The following ATP6V0A2 variants were observed in gnomAD, a reference collection of about 807,000 sequenced individuals.
ATP6V0A2 encodes the protein V-type proton ATPase 116 kDa subunit a 2.
Under a neutral mutation model 104.4 loss-of-function variants are expected in ATP6V0A2, and 58 were observed. The ratio of observed to expected loss-of-function variants is 0.56; its 90% CI spans 0.45 to 0.69. ATP6V0A2 has a LOEUF of 0.69. Ranked by LOEUF, ATP6V0A2 falls within the 30% of genes least tolerant of loss-of-function variation. The pLI, the probability that ATP6V0A2 is intolerant of heterozygous loss-of-function variation, is 0.00. For missense variants in ATP6V0A2, 938 were observed against 1,062.9 expected (o/e 0.88, Z 1.63); for synonymous variants, 376 against 397.9 (o/e 0.95, Z 0.65).
At chr12:123,745,784 C>T (rs1410366045) in intron 13 of ATP6V0A2, among the ~76,000 whole-genome samples, 1 of 151,486 alleles carries the variant, frequency 6.6e-6, no homozygotes, top group Non-Finnish European at 1.5e-5. Context: ...GCTCAGCAGG[C>T]GGTGGCTGAG....
chr12:123,713,007 A>G (rs905473327), intron 1 of ATP6V0A2, among the ~76,000 whole-genome samples: 5 of 152,174 alleles, frequency 3.3e-5, no homozygotes, highest in Admixed American at 2.6e-4. Flanking sequence ...TTGGAACTTT[A>G]CGGGGGTTAG....
At chr12:123,748,051 A>G (rs1956679028) in intron 14 of ATP6V0A2, among the ~76,000 whole-genome samples, 1 of 152,196 alleles carries the variant, frequency 6.6e-6, no homozygotes, top group Non-Finnish European at 1.5e-5. Flanking sequence ...GTCGATTTCC[A>G]GAAGGGGTGC....
At chr12:123,756,517 G>A in intron 18 of ATP6V0A2, 1 of 352,848 alleles carries the variant, frequency 2.8e-6, no homozygotes, top group Non-Finnish European at 5.2e-6. Context: ...CCTGTTTCTG[G>A]CTGCCTGGTC....
At chr12:123,713,720 C>T (rs1233724419) in intron 1 of ATP6V0A2, among the ~76,000 whole-genome samples, 1 of 151,940 alleles carries the variant, frequency 6.6e-6, no homozygotes, top group African/African-American at 2.4e-5. Context: ...GAAGGGAGAC[C>T]GTGAAGCAAG....
chr12:123,715,080 CA>C (rs1292324391), intron 1 of ATP6V0A2, among the ~76,000 whole-genome samples: 1 of 151,946 alleles, frequency 6.6e-6, no homozygotes, highest in Admixed American at 6.5e-5. Flanking sequence ...GACTCCGTCT[CA>C]AAAAAAAGTT....
In ATP6V0A2 at chr12:123,735,590, A is replaced by G. The variant is rs201247720; in HGVS notation, c.791A>G (p.Glu264Gly). The change falls in exon 8 of 20, where the codon GAG becomes GGG. Residue 264 changes from glutamate to glycine, a missense_variant. Glu to Gly is a moderately conservative substitution (Grantham distance 98, BLOSUM62 -2). Transcript: ENST00000330342. ...GCCGAGGAGCGGAGGGAGATCCAGG[A>G]GGGGCTGAACACCCGCATCCAGGAT... ...NTAEERREIQ[E>G]GLNTRIQDLY... 6.9e-5 allele frequency: 112 copies of G among 1,613,516 alleles called. No homozygotes were observed. In the East Asian group the frequency reaches 2.5e-3, roughly 36 times the overall value.
intron 6 of ATP6V0A2, among the ~76,000 whole-genome samples, chr12:123,730,044 CTTTTTTTTTTTT>C (rs776847603): frequency 8.7e-4 from 61 of 70,308 alleles, no homozygotes; most frequent in African/African-American, 3.4e-3. Context: ...GGAGTTAGGT[CTTTTTTTTTTTT>C]TTTTTTTTTT....
rs1367151367 is a variant in ATP6V0A2 at position 123,758,718 on chromosome 12, C to T, written c.*686C>T. ...TTGTATTTTTGTAGAGATGGGGTTT[C>T]ACCATGTTGGCCAGGCTGGTCTCGA... On this transcript the variant is annotated 3_prime_UTR_variant, in exon 20 of 20. Coordinates refer to ENST00000330342, the MANE Select transcript of ATP6V0A2 (RefSeq NM_012463.4). 1.3e-5 allele frequency: 2 copies of T among 152,058 alleles called. No homozygotes were observed. The highest frequency in any genetic ancestry group is 2.9e-5 in the Non-Finnish European group (2 of 68,074). The allele number at this position is 152,058 out of a possible 1,614,324, so 9.4% of individuals were successfully genotyped here.
chr12:123,754,330 A>G, intron 17 of ATP6V0A2, 90 bp from the exon 18 acceptor site: 1 of 1,017,662 alleles, frequency 9.8e-7, no homozygotes, highest in Non-Finnish European at 1.6e-6. Context: ...CAGCTCTTTC[A>G]TTGTAATCCT....
chr12:123,733,943 G>A lies in ATP6V0A2; in HGVS notation c.666G>A (p.Trp222Ter). ...EDPETGEVIK[W>*]YVFLISFWGE... ...CTTTGTAGGGGGAAGTCATAAAATG[G>A]TATGTCTTTTTAATATCCTTTTGGG... The change falls in exon 7 of 20, where the codon TGG becomes TGA. Residue 222 changes from tryptophan to a stop codon, truncating the protein, a stop_gained. Transcript: ENST00000330342. LOFTEE classifies it high-confidence loss of function. 1 of 1,612,804 alleles carries A rather than the reference G, an allele frequency of 6.2e-7. No homozygotes were observed. The highest frequency in any genetic ancestry group is 8.5e-7 in the Non-Finnish European group (1 of 1,178,826).
At chr12:123,739,809 A>C (rs573960738) in intron 9 of ATP6V0A2, among the ~76,000 whole-genome samples, 1 of 152,166 alleles carries the variant, frequency 6.6e-6, no homozygotes, top group Non-Finnish European at 1.5e-5. Flanking sequence ...TATCTTACAC[A>C]TGTTCCTCCA....
chr12:123,715,546 G>A (rs1956331464), intron 1 of ATP6V0A2, among the ~76,000 whole-genome samples: 1 of 152,190 alleles, frequency 6.6e-6, no homozygotes, highest in Non-Finnish European at 1.5e-5. Context: ...TGTTTCTTGA[G>A]AGTGCCCAGT....
At chr12:123,713,998 C>G (rs1286739262) in intron 1 of ATP6V0A2, among the ~76,000 whole-genome samples, 1 of 152,198 alleles carries the variant, frequency 6.6e-6, no homozygotes, top group Non-Finnish European at 1.5e-5. Flanking sequence ...GGAGCCACTT[C>G]TGCAGTTGTA....
intron 2 of ATP6V0A2, among the ~76,000 whole-genome samples, chr12:123,720,130 G>T (rs1283541842): frequency 1.3e-5 from 2 of 152,152 alleles, no homozygotes; most frequent in Admixed American, 1.3e-4. Flanking sequence ...TGGGATTACA[G>T]ATGTGAGCCA....
At chr12:123,717,644 A>G (rs930142484) in intron 1 of ATP6V0A2, among the ~76,000 whole-genome samples, 58 of 151,564 alleles carry the variant, frequency 3.8e-4, no homozygotes, top group Non-Finnish European at 1.3e-4. Context: ...GTGTCTTACC[A>G]TGTTGCCCAG....
chr12:123,723,086 TA>T (rs776692551), intron 3 of ATP6V0A2: 1 of 152,576 alleles, frequency 6.6e-6, no homozygotes, highest in Non-Finnish European at 1.5e-5. Context: ...ATAACTCTTC[TA>T]AAACAATTAT....
In ATP6V0A2 at chr12:123,748,636, T is replaced by G; in HGVS notation, c.1786T>G (p.Cys596Gly). ...CATCCCGGAACTTCTCTTCATGCTC[T>G]GTATCTTTGGATACCTTATATTTAT... ...VSIPELLFMLCIFGYLIFMIF... is the reference protein window; with the variant it reads ...VSIPELLFMLGIFGYLIFMIF... Residue 596 changes from cysteine to glycine, a missense_variant, in exon 15 of 20, where the codon TGT (cysteine) becomes GGT (glycine). Transcript: ENST00000330342. 1 of 1,614,222 alleles carries G rather than the reference T, an allele frequency of 6.2e-7. No individual in the cohort carries two copies. Among genetic ancestry groups the G allele is most frequent in the Non-Finnish European group, 8.5e-7 (1 of 1,180,012 alleles).
At chr12:123,757,023 A>C in intron 19 of ATP6V0A2, 37 bp downstream of exon 19, 1 of 1,612,024 alleles carries the variant, frequency 6.2e-7, no homozygotes, top group Non-Finnish European at 8.5e-7. Flanking sequence ...TGTTATTTAA[A>C]AAACATACCC....
At position 123,756,841 on chromosome 12, in the gene ATP6V0A2, C is replaced by T. The variant is rs1337898685; in HGVS notation, c.2320C>T (p.Leu774=). ...GTTGTCTGATGTCCTGTGGGCCATG[C>T]TGATGCGCGTGGGCCTCCGCGTTGA... ...AQLSDVLWAM[L]MRVGLRVDTT... is the part of the protein sequence containing the mutation. The change falls in exon 19 of 20, where the codon CTG becomes TTG. Residue 774 remains leucine, a synonymous_variant. Coordinates refer to ENST00000330342, the MANE Select transcript of ATP6V0A2 (RefSeq NM_012463.4). 71 of 1,613,982 alleles carry T rather than the reference C, an allele frequency of 4.4e-5. No individual in the cohort carries two copies. The highest frequency in any genetic ancestry group is 5.9e-5 in the Non-Finnish European group (70 of 1,180,052).
Sources: allele counts gnomAD v4.1 joint callset (sites outside exome capture counted in the v4.1 genomes callset), GRCh38; gene constraint gnomAD v4.1.1; transcripts MANE v1.5; gene names NCBI Gene and HGNC (gene_info 2026-07-23, HGNC 2026-07-21).